Variants in KIAA0319 observed in about 807,000 individuals in gnomAD.
KIAA0319 encodes KIAA0319.
In KIAA0319, 83 loss-of-function variants were observed where a neutral mutation model predicts 108.4. That is an observed-to-expected ratio of 0.77 (90% CI 0.64 to 0.92). The LOEUF is 0.92. Ranked by LOEUF, KIAA0319 falls within the 40% of genes least tolerant of loss-of-function variation. KIAA0319 has a pLI of 0.00. For synonymous variants in KIAA0319, 484 were observed against 510.4 expected (o/e 0.95, Z 0.70); for missense variants, 1,195 against 1,322.4 (o/e 0.90, Z 1.49).
At chr6:24,610,738 T>C (rs1010634428) in intron 1 of KIAA0319, among the ~76,000 whole-genome samples, 10 of 151,990 alleles carry the variant, frequency 6.6e-5, no homozygotes, top group Middle Eastern at 3.4e-3. Context: ...CTGGGCAACA[T>C]AGGCTGAGCC....
At position 24,583,628 on chromosome 6, in the gene KIAA0319, A is replaced by G; in HGVS notation, c.1069T>C (p.Phe357Leu). The change falls in exon 5 of 21, where the codon TTT becomes CTT. Residue 357 changes from phenylalanine (F) to leucine (L), a missense_variant. Coordinates refer to ENST00000378214, the MANE Select transcript of KIAA0319 (RefSeq NM_014809.4). ...CCTACAGGTGGCGCTGGCGCAACAAAGGCCTTCAGTTCAACTTCATTGTCG... is the reference window on the plus strand; with the variant it reads ...CCTACAGGTGGCGCTGGCGCAACAAGGGCCTTCAGTTCAACTTCATTGTCG... ...LPDNEVELKA[F>L]VAPAPPVETT... 1 of 1,613,660 alleles carries G rather than the reference A, an allele frequency of 6.2e-7. No homozygotes were observed. The highest frequency in any genetic ancestry group is 8.5e-7 in the Non-Finnish European group (1 of 1,179,602).
At chr6:24,587,644 T>C (rs1252227688) in intron 4 of KIAA0319, among the ~76,000 whole-genome samples, 2 of 152,022 alleles carry the variant, frequency 1.3e-5, no homozygotes, top group Non-Finnish European at 2.9e-5. Flanking sequence ...TGGAGTGCAG[T>C]GGAGCGATCT....
chr6:24,543,141 AC>A (rs1243024376), downstream of KIAA0319, among the ~76,000 whole-genome samples: 3 of 152,216 alleles, frequency 2.0e-5, no homozygotes, highest in Non-Finnish European at 2.9e-5. Flanking sequence ...ACTTCTGTTC[AC>A]AGTTGCTAAT....
intron 9 of KIAA0319, among the ~76,000 whole-genome samples, 183 bp downstream of exon 9, chr6:24,577,927 T>C (rs1582029413): frequency 6.6e-6 from 1 of 152,284 alleles, no homozygotes; most frequent in Middle Eastern, 3.4e-3. Context: ...CTCCAATAAA[T>C]AAATAAAGTT....
Position 24,596,427 on chromosome 6 carries a change from G to T in KIAA0319, c.247C>A (p.Pro83Thr), listed in dbSNP as rs1769606689. Residue 83 changes from proline to threonine, a missense_variant, in exon 3 of 21, where the codon CCC becomes ACC. Pro to Thr is a conservative substitution (Grantham distance 38). Transcript: ENST00000378214. ...TTGGGCTCACAGTTCTCTTTGTGGG[G>T]GCAGCTCACCAGGTAGCAGCGGCCC... ...FEGRCYLVSC[P>T]HKENCEPKKM... The T allele has an allele frequency of 6.2e-7, 1 of 1,614,076 alleles. No homozygotes were observed. Among genetic ancestry groups the T allele is most frequent in the Non-Finnish European group, 8.5e-7 (1 of 1,180,040 alleles).
In KIAA0319 at chr6:24,595,526, G is replaced by A. The variant is rs185194677; in HGVS notation, c.801+347C>T. 9.7e-3 allele frequency among the ~76,000 whole-genome samples: 1,136 copies of A among 116,770 alleles called. 9 individuals carry two copies. Among genetic ancestry groups the A allele is most frequent in the South Asian group, 0.02 (66 of 3,308 alleles). The allele number at this position is 116,770 out of a possible 152,430, so 76.6% of individuals were successfully genotyped here. A position where few individuals can be genotyped will look rare whatever the true frequency, so the allele number is the denominator to read the frequency against. On this transcript the variant is annotated intron_variant, in intron 3 of 20. Transcript: ENST00000378214. ...CATGCCACTGCACTCCAGCCTGGGCGACAGAGCGAGATTCAATCTCAAAAA... is the reference window on the plus strand; with the variant it reads ...CATGCCACTGCACTCCAGCCTGGGCAACAGAGCGAGATTCAATCTCAAAAA...
Position 24,576,493 on chromosome 6 carries a change from G to C in KIAA0319, c.1609C>G (p.His537Asp). The C allele has an allele frequency of 6.2e-7, 1 of 1,614,170 alleles. No homozygotes were observed. The highest frequency in any genetic ancestry group is 8.5e-7 in the Non-Finnish European group (1 of 1,180,030). The part of the protein sequence containing the change: ...YPPVANAGPN[H>D]TITLPQNSIT... ...GAGTTTTGGGGCAAAGTTATGGTGTGATTTGGTCCTGCATTAGCAACTGGT... is the reference window on the plus strand; with the variant it reads ...GAGTTTTGGGGCAAAGTTATGGTGTCATTTGGTCCTGCATTAGCAACTGGT... The change falls in exon 10 of 21, where the codon CAC becomes GAC. Residue 537 changes from histidine to aspartate, a missense_variant. Physicochemically the swap from His to Asp is moderately conservative, Grantham distance 81. Transcript: ENST00000378214.
intron 19 of KIAA0319, among the ~76,000 whole-genome samples, chr6:24,553,225 C>A (rs1400389176): frequency 6.7e-6 from 1 of 148,792 alleles, no homozygotes; most frequent in Non-Finnish European, 1.5e-5. Flanking sequence ...ACTTCCAGAA[C>A]TCCTTCCTCT....
At chr6:24,571,677 G>A (rs547553014) in intron 11 of KIAA0319, among the ~76,000 whole-genome samples, 3 of 151,764 alleles carry the variant, frequency 2.0e-5, no homozygotes, top group African/African-American at 2.4e-5. Context: ...TTAAATCTTC[G>A]AATGTACCAG....
Position 24,577,716 on chromosome 6 carries a change from T to C in KIAA0319, c.1505+394A>G, listed in dbSNP as rs111810717. Among the ~76,000 whole-genome samples, 477 of 152,340 alleles carry C rather than the reference T, an allele frequency of 3.1e-3. 4 individuals carry two copies. The highest frequency in any genetic ancestry group is 7.9e-3 in the African/African-American group (328 of 41,582). ...CTCCACACAACCAAGATCCAACTTCTACTTCTGGCTCTGACAGCAAACCAA... is the reference window on the plus strand; with the variant it reads ...CTCCACACAACCAAGATCCAACTTCCACTTCTGGCTCTGACAGCAAACCAA... On this transcript the variant is annotated intron_variant, in intron 9 of 20. Coordinates refer to ENST00000378214, the MANE Select transcript of KIAA0319 (RefSeq NM_014809.4).
intron 3 of KIAA0319, among the ~76,000 whole-genome samples, chr6:24,590,494 C>G (rs1768301285): frequency 6.6e-6 from 1 of 152,146 alleles, no homozygotes; most frequent in Non-Finnish European, 1.5e-5. Flanking sequence ...AATCTGTGCT[C>G]TCTAAGAATA....
At chr6:24,628,202 G>C (rs1774983117) in intron 1 of KIAA0319, among the ~76,000 whole-genome samples, 1 of 152,124 alleles carries the variant, frequency 6.6e-6, no homozygotes, top group Non-Finnish European at 1.5e-5. Flanking sequence ...GTGGACTGTT[G>C]CTTTTATAGA....
chr6:24,569,447 TCA>T (rs1002407713), intron 12 of KIAA0319, among the ~76,000 whole-genome samples: 3 of 152,232 alleles, frequency 2.0e-5, no homozygotes, highest in African/African-American at 7.2e-5. Flanking sequence ...TCTACAAGCC[TCA>T]GTTTCTTCAA....
At chr6:24,543,535 C>T (rs971357172), downstream of KIAA0319, among the ~76,000 whole-genome samples, 2 of 152,168 alleles carry the variant, frequency 1.3e-5, no homozygotes, top group African/African-American at 2.4e-5. Flanking sequence ...AGAAGCAATC[C>T]TCCCACCTCA....
At chr6:24,633,310 T>C (rs1433899255) in intron 1 of KIAA0319, among the ~76,000 whole-genome samples, 1 of 152,186 alleles carries the variant, frequency 6.6e-6, no homozygotes, top group Admixed American at 6.5e-5. Context: ...CAAGAGGACT[T>C]ATGGCATGAC....
At position 24,576,593 on chromosome 6, in the gene KIAA0319, C is replaced by A. The variant is rs548250591; in HGVS notation, c.1509G>T (p.Leu503Phe). ...TGGCTCCGTCCGAGTCTGTAACAGT[C>A]AACCTACAAAAAGGAGAAGAAGCCG... ...NLDPGNYSFR[L>F]TVTDSDGATN... is the part of the protein sequence containing the mutation. The change falls in exon 10 of 21, where the codon TTG becomes TTT. Residue 503 changes from leucine (L) to phenylalanine (F), a missense_variant. Transcript: ENST00000378214. The A allele has an allele frequency of 6.2e-7, 1 of 1,612,996 alleles. No homozygotes were observed. The highest frequency in any genetic ancestry group is 8.5e-7 in the Non-Finnish European group (1 of 1,179,120).
chr6:24,640,168 A>G (rs964759007), intron 1 of KIAA0319, among the ~76,000 whole-genome samples: 3 of 152,160 alleles, frequency 2.0e-5, no homozygotes, highest in Non-Finnish European at 4.4e-5. Flanking sequence ...TCAATTTTTT[A>G]AAGTAAATAT....
chr6:24,570,360 G>A (rs951525073), intron 11 of KIAA0319, among the ~76,000 whole-genome samples: 13 of 152,066 alleles, frequency 8.5e-5, no homozygotes, highest in East Asian at 3.9e-4. Flanking sequence ...AGAACGAGGC[G>A]GGCGGATCAC....
Position 24,556,617 on chromosome 6 carries a change from C to G in KIAA0319, c.2847G>C (p.Glu949Asp). 1 of 1,613,934 alleles carries G rather than the reference C, an allele frequency of 6.2e-7. No individual in the cohort carries two copies. Among genetic ancestry groups the G allele is most frequent in the Non-Finnish European group, 8.5e-7 (1 of 1,179,924 alleles). ...TATACCAGAACTCACCACAGTTGCT[C>G]TCTCCATCCCAGATATAACGCTGTA... is the stretch of plus-strand genomic sequence containing the variant. Reference protein sequence around the residue: ...NLIQRYIWDGESNCEWSIFYV... With the variant: ...NLIQRYIWDGDSNCEWSIFYV... Residue 949 changes from glutamate (E) to aspartate (D), a missense_variant, in exon 18 of 21, where the codon GAG becomes GAC. By Grantham distance (45) the Glu-to-Asp change is conservative (BLOSUM62 2). Coordinates refer to ENST00000378214, the MANE Select transcript of KIAA0319 (RefSeq NM_014809.4).
Sources: allele counts gnomAD v4.1 joint callset (sites outside exome capture counted in the v4.1 genomes callset), GRCh38; gene constraint gnomAD v4.1.1; transcripts MANE v1.5; gene names NCBI Gene and HGNC (gene_info 2026-07-23, HGNC 2026-07-21).